The following PTPRD variants were observed in gnomAD, a reference collection of about 807,000 sequenced individuals.
The protein encoded by PTPRD is protein tyrosine phosphatase receptor type D, also known as receptor-type tyrosine-protein phosphatase delta.
Under a neutral mutation model 214.5 loss-of-function variants are expected in PTPRD, and 34 were observed. The ratio of observed to expected loss-of-function variants is 0.16; its 90% CI spans 0.12 to 0.21. The LOEUF is 0.21. Among genes scored for constraint, PTPRD ranks in the 10% least tolerant of loss-of-function variants. The pLI is 1.00. For synonymous variants in PTPRD, 1,128 were observed against 845.7 expected, an observed-to-expected ratio of 1.33 and a Z score of -5.79; for missense variants, 2,545 against 2,398.7, an observed-to-expected ratio of 1.06 and a Z score of -1.27.
chr9:10,011,616 T>C (rs2096601711), intron 4 of PTPRD, among the ~76,000 whole-genome samples: 1 of 151,966 alleles, frequency 6.6e-6, no homozygotes, highest in Admixed American at 6.6e-5. Flanking sequence ...ATAATATTTG[T>C]GTTTTTGGTT....
At chr9:9,991,556 T>G (rs2095923938) in intron 4 of PTPRD, among the ~76,000 whole-genome samples, 1 of 151,896 alleles carries the variant, frequency 6.6e-6, no homozygotes, top group Non-Finnish European at 1.5e-5. Context: ...AGATGGGGTT[T>G]CTCCATGTTG....
intron 7 of PTPRD, among the ~76,000 whole-genome samples, chr9:9,680,581 G>C (rs532879194): frequency 6.6e-6 from 1 of 151,844 alleles, no homozygotes; most frequent in South Asian, 2.1e-4. Context: ...CTTAAAGAAA[G>C]GCTAAGGTAA....
At position 8,442,268 on chromosome 9, in the gene PTPRD, G is replaced by C. The variant is rs2095572177; in HGVS notation, c.3989-5579C>G. On this transcript the variant is annotated intron_variant, in intron 34 of 45. Coordinates refer to ENST00000381196, the MANE Select transcript of PTPRD (RefSeq NM_002839.4). Reference sequence around the variant, plus strand: ...CAAAAGTCCTGCTCTGTTTTACTAAGTCAGTAAGGCTACTGAATGCTTCAA... The same window carrying C: ...CAAAAGTCCTGCTCTGTTTTACTAACTCAGTAAGGCTACTGAATGCTTCAA... 3.3e-5 allele frequency among the ~76,000 whole-genome samples: 5 copies of C among 152,306 alleles called. No individual in the cohort carries two copies. The South Asian group carries it at 1.0e-3, about 32-fold the overall frequency.
At chr9:10,366,061 T>C (rs1050975207) in intron 2 of PTPRD, among the ~76,000 whole-genome samples, 1 of 152,192 alleles carries the variant, frequency 6.6e-6, no homozygotes, top group Non-Finnish European at 1.5e-5. Context: ...GATTTCATTA[T>C]CAGGAATGTG....
intron 7 of PTPRD, among the ~76,000 whole-genome samples, chr9:9,577,001 A>G (rs993821306): frequency 2.0e-5 from 3 of 152,162 alleles, no homozygotes; most frequent in Non-Finnish European, 4.4e-5. Flanking sequence ...AATAAATCCA[A>G]AAGACATCCT....
chr9:8,969,733 T>TCTAATAA (rs2099224734), intron 11 of PTPRD, among the ~76,000 whole-genome samples: 1 of 151,946 alleles, frequency 6.6e-6, no homozygotes, highest in Non-Finnish European at 1.5e-5. Flanking sequence ...TGACCAATAT[T>TCTAATAA]GATAGTGAGC....
At position 8,500,830 on chromosome 9, in the gene PTPRD, C is replaced by T. The variant is rs2136958533; in HGVS notation, c.2052G>A (p.Arg684=). The T allele has an allele frequency of 6.2e-7, 1 of 1,614,110 alleles. No homozygotes were observed. Among genetic ancestry groups the T allele is most frequent in the Non-Finnish European group, 8.5e-7 (1 of 1,180,008 alleles). ...LEQLEKWTEY[R]ITVTAHTDVG... ...CATCTGTATGGGCTGTCACAGTGAT[C>T]CGGTATTCAGTCCATTTTTCCAGCT... Residue 684 remains arginine (R), a synonymous_variant, in exon 24 of 46, where the codon CGG becomes CGA. Transcript: ENST00000381196.
chr9:10,205,307 G>T (rs1017627573), intron 3 of PTPRD, among the ~76,000 whole-genome samples: 1 of 151,668 alleles, frequency 6.6e-6, no homozygotes, highest in Non-Finnish European at 1.5e-5. Flanking sequence ...GAAAAGGTGA[G>T]ATATATTAAT....
At chr9:9,617,316 G>A (rs2094933316) in intron 7 of PTPRD, among the ~76,000 whole-genome samples, 1 of 152,126 alleles carries the variant, frequency 6.6e-6, no homozygotes, top group African/African-American at 2.4e-5. Flanking sequence ...TTAAAAGCAT[G>A]TTATTGGAGG....
intron 11 of PTPRD, among the ~76,000 whole-genome samples, chr9:8,791,690 C>T (rs1198878235): frequency 6.6e-6 from 1 of 151,712 alleles, no homozygotes; most frequent in Non-Finnish European, 1.5e-5. Flanking sequence ...GGTTTGTGGA[C>T]TGAACATGAG....
intron 9 of PTPRD, among the ~76,000 whole-genome samples, chr9:9,327,474 A>G (rs1193272726): frequency 6.6e-6 from 1 of 152,162 alleles, no homozygotes; most frequent in Non-Finnish European, 1.5e-5. Context: ...ATAAATCTAC[A>G]AATGTTTTCA....
chr9:8,895,175 A>T (rs1160067208), intron 11 of PTPRD, among the ~76,000 whole-genome samples: 1 of 152,204 alleles, frequency 6.6e-6, no homozygotes. Context: ...ATTTTTAAAC[A>T]TGGGGATTTG....
At chr9:9,554,104 C>T (rs778291431) in intron 8 of PTPRD, among the ~76,000 whole-genome samples, 2 of 152,010 alleles carry the variant, frequency 1.3e-5, no homozygotes, top group African/African-American at 2.4e-5. Flanking sequence ...TTTCATATGA[C>T]AGTATTTCAT....
intron 10 of PTPRD, among the ~76,000 whole-genome samples, chr9:9,088,724 G>C (rs992021947): frequency 6.6e-6 from 1 of 151,524 alleles, no homozygotes; most frequent in African/African-American, 2.4e-5. Flanking sequence ...AGCTTGCTGA[G>C]ATTGCAGAAG....
chr9:10,121,595 G>A (rs2098775895), intron 3 of PTPRD, among the ~76,000 whole-genome samples: 1 of 152,156 alleles, frequency 6.6e-6, no homozygotes, highest in Non-Finnish European at 1.5e-5. Context: ...TAAGAGTTAA[G>A]TCTAACTTAT....
At chr9:10,166,505 C>A (rs1033264827) in intron 3 of PTPRD, among the ~76,000 whole-genome samples, 3 of 151,852 alleles carry the variant, frequency 2.0e-5, no homozygotes, top group Non-Finnish European at 4.4e-5. Context: ...ACCGCACAAC[C>A]CTTTGTGTTC....
chr9:10,597,572 G>C (rs1310924418), intron 2 of PTPRD, among the ~76,000 whole-genome samples: 2 of 151,756 alleles, frequency 1.3e-5, no homozygotes, highest in Non-Finnish European at 2.9e-5. Context: ...TTGTTAAGGA[G>C]TTAAAACAGC....
intron 36 of PTPRD, among the ~76,000 whole-genome samples, chr9:8,401,176 T>G (rs2092334793): frequency 6.6e-6 from 1 of 151,942 alleles, no homozygotes; most frequent in Non-Finnish European, 1.5e-5. Context: ...TTCTTTTTTT[T>G]TTTTTCCAGA....
intron 5 of PTPRD, among the ~76,000 whole-genome samples, chr9:9,818,675 T>G (rs2049606378): frequency 6.6e-6 from 1 of 151,998 alleles, no homozygotes; most frequent in Non-Finnish European, 1.5e-5. Context: ...CCCAGCACTT[T>G]GGGAGGCCGA....
Sources: gnomAD v4.1 joint callset for allele counts (sites outside exome capture counted in the v4.1 genomes callset) on GRCh38, gnomAD v4.1.1 for gene constraint, MANE v1.5 for transcripts, NCBI Gene and HGNC (gene_info 2026-07-23, HGNC 2026-07-21) for gene names.